Variants in GPSM1 observed in about 807,000 individuals in gnomAD.
GPSM1 encodes G protein-signaling modulator 1.
GPSM1 carries 48 observed loss-of-function variants against 70.5 expected under a neutral mutation model. The ratio of observed to expected loss-of-function variants is 0.68; its 90% CI spans 0.54 to 0.87. GPSM1 has a LOEUF of 0.87. Ranked by LOEUF, GPSM1 falls within the 40% of genes least tolerant of loss-of-function variation. The pLI, the probability that GPSM1 is intolerant of heterozygous loss-of-function variation, is 0.00. For missense variants in GPSM1, 981 were observed against 972.6 expected (o/e 1.01, Z -0.11); for synonymous variants, 416 against 430.1 (o/e 0.97, Z 0.41).
At position 136,341,888 on chromosome 9, in the gene GPSM1, C is replaced by T. The variant is rs1199199692; in HGVS notation, c.1207+895C>T. 1.4e-5 allele frequency: 8 copies of T among 585,714 alleles called. No individual in the cohort carries two copies. The highest frequency in any genetic ancestry group is 6.1e-5 in the African/African-American group (3 of 49,480). 36.3% of individuals were successfully genotyped at this position (585,714 alleles called of 1,614,324 possible). A position where few individuals can be genotyped will look rare whatever the true frequency, so the allele number is the denominator to read the frequency against. On this transcript the variant is annotated intron_variant, in intron 9 of 13. Coordinates refer to ENST00000440944, the MANE Select transcript of GPSM1 (RefSeq NM_001145638.3). The surrounding 1 kb of genome is among the most constrained non-coding windows in gnomAD (Gnocchi z 6.7). ...CCAGTGTCAAACTCCCAGCCTCAAG[C>T]GATCCTCCCATCTCGGCTTCCAGAA... is the stretch of plus-strand genomic sequence containing the variant.
At chr9:136,333,304 A>G (rs1554768738) in intron 1 of GPSM1, among the ~76,000 whole-genome samples, 1 of 152,104 alleles carries the variant, frequency 6.6e-6, no homozygotes, top group African/African-American at 2.4e-5. Flanking sequence ...GCGACCCTCC[A>G]CCCAGGGCAG....
intron 9 of GPSM1, among the ~76,000 whole-genome samples, chr9:136,347,696 T>C (rs1832556361): frequency 6.6e-6 from 1 of 151,564 alleles, no homozygotes; most frequent in African/African-American, 2.4e-5. Context: ...TCCTGCCTGG[T>C]TGAGGACATT....
chr9:136,334,404 A>T (rs782667441), intron 1 of GPSM1, 43 bp from the exon 2 acceptor site: 5 of 1,521,792 alleles, frequency 3.3e-6, no homozygotes, highest in African/African-American at 2.7e-5. Flanking sequence ...CCCCGGGGCG[A>T]CTTTGCCAGG....
intron 10 of GPSM1, among the ~76,000 whole-genome samples, chr9:136,349,236 G>A (rs917164058): frequency 6.6e-6 from 1 of 152,268 alleles, no homozygotes; most frequent in Non-Finnish European, 1.5e-5. Context: ...GCCTGGGCCA[G>A]CAGCCTGATC....
rs923069596 is a variant in GPSM1, at chr9:136,349,857, C to T, written c.1455+94C>T. On this transcript the variant is annotated intron_variant, in intron 11 of 13. Transcript: ENST00000440944. ...TGCCAGCCAACGGGGCCAGGTCAGG[C>T]CCGGGCACTCCGGGGAGGCAGGGGT... 5.6e-6 allele frequency: 7 copies of T among 1,248,008 alleles called. No individual in the cohort carries two copies. The African/African-American group carries it at 1.1e-4, about 19-fold the overall frequency. The allele number at this position is 1,248,008 out of a possible 1,614,324, so 77.3% of individuals were successfully genotyped here. A position where few individuals can be genotyped will look rare whatever the true frequency, so the allele number is the denominator to read the frequency against.
rs560601278 is a variant in GPSM1, at chr9:136,330,152, G to T, written c.68+2389G>T. Among the ~76,000 whole-genome samples the T allele has an allele frequency of 7.9e-5, 12 of 152,240 alleles. No homozygotes were observed. In the South Asian group the frequency reaches 2.5e-3, roughly 32 times the overall value. On this transcript the variant is annotated intron_variant, in intron 1 of 13. Transcript: ENST00000440944. ...GGCCCCGGAAAGTGGGGAAACCCTG[G>T]GTGGTCGTCTCCTGGCCTCCCACCT...
chr9:136,353,141 C>T, intron 11 of GPSM1: 1 of 983,330 alleles, frequency 1.0e-6, no homozygotes, highest in Non-Finnish European at 1.2e-6. Context: ...GCTGTGGAGA[C>T]AGCCTGTGAT....
In GPSM1 at chr9:136,349,677, G is replaced by A; in HGVS notation, c.1369G>A (p.Glu457Lys). The A allele has an allele frequency of 6.4e-7, 1 of 1,555,546 alleles. No individual in the cohort carries two copies. Reference protein sequence around the residue: ...PLPVRSRKYQEGPDAERRPRE... With the variant: ...PLPVRSRKYQKGPDAERRPRE... ...CCCCGTGAGGAGCAGGAAGTACCAG[G>A]AAGGCCCGGACGCTGAGAGGAGGCC... is the stretch of plus-strand genomic sequence containing the variant. The change falls in exon 11 of 14, where the codon GAA becomes AAA. Residue 457 changes from glutamate to lysine, a missense_variant. Physicochemically the swap from Glu to Lys is moderately conservative, Grantham distance 56 (BLOSUM62 1). Coordinates refer to ENST00000440944, the MANE Select transcript of GPSM1 (RefSeq NM_001145638.3).
intron 13 of GPSM1, among the ~76,000 whole-genome samples, chr9:136,357,062 C>T (rs1002714495): frequency 4.6e-5 from 7 of 152,186 alleles, no homozygotes; most frequent in Admixed American, 2.0e-4. Flanking sequence ...GAGCCAGGGC[C>T]GGGGCTCCAG....
At chr9:136,336,821 G>A (rs782097877) in intron 3 of GPSM1, 100 bp from the exon 4 acceptor site, 352 of 1,209,282 alleles carry the variant, frequency 2.9e-4, no homozygotes, top group Non-Finnish European at 3.9e-4. Context: ...CAAGGCCCTC[G>A]CTGTCGAGGG....
At position 136,327,683 on chromosome 9, in the gene GPSM1, G is replaced by T; in HGVS notation, c.-13G>T. The T allele has an allele frequency of 9.2e-7, 1 of 1,086,088 alleles. No individual in the cohort carries two copies. The allele number at this position is 1,086,088 out of a possible 1,614,324, so 67.3% of individuals were successfully genotyped here. On this transcript the variant is annotated 5_prime_UTR_variant, in exon 1 of 14. Coordinates refer to ENST00000440944, the MANE Select transcript of GPSM1 (RefSeq NM_001145638.3). ...GGGGGCGCTCCCGGCTCCCGCTCCC[G>T]CGTCCCCGACCCATGGCGGGCCCGG...
Position 136,337,001 on chromosome 9 carries a change from C to T in GPSM1, c.507C>T (p.Asn169=), listed in dbSNP as rs72775742. Residue 169 remains asparagine (N), a synonymous_variant, in exon 4 of 14, where the codon AAC becomes AAT. Transcript: ENST00000440944. Reference sequence around the variant, plus strand: ...AGCAACTGTCCTGGAACGCCGCAAACGCCACGCAGGACCCCGGGCACCTGC... The same window carrying T: ...AGCAACTGTCCTGGAACGCCGCAAATGCCACGCAGGACCCCGGGCACCTGC... ...KGKQLSWNAA[N]ATQDPGHLPP... The T allele has an allele frequency of 1.3e-3, 1,979 of 1,553,408 alleles. 1 individual carries two copies. Among genetic ancestry groups the T allele is most frequent in the Non-Finnish European group, 1.5e-3 (1,737 of 1,148,732 alleles).
intron 1 of GPSM1, among the ~76,000 whole-genome samples, chr9:136,331,067 C>G (rs79088884): frequency 0.023 from 3,448 of 152,234 alleles, 143 homozygotes; most frequent in African/African-American, 0.077. Context: ...TAAGACCTGC[C>G]CCCCCAGTCC....
chr9:136,355,588 C>T, intron 11 of GPSM1, 102 bp from the exon 12 acceptor site: 1 of 1,129,372 alleles, frequency 8.9e-7, no homozygotes, highest in African/African-American at 1.5e-5. Context: ...CCGATCTTGG[C>T]CAGGGTCTCA....
At chr9:136,330,423 G>A (rs561612681) in intron 1 of GPSM1, among the ~76,000 whole-genome samples, 34 of 152,228 alleles carry the variant, frequency 2.2e-4, no homozygotes, top group Admixed American at 1.4e-3. Flanking sequence ...CTGGTGGGTC[G>A]CTGGGCAGCG....
At chr9:136,354,179 G>A (rs1200259582) in intron 11 of GPSM1, among the ~76,000 whole-genome samples, 1 of 152,206 alleles carries the variant, frequency 6.6e-6, no homozygotes, top group African/African-American at 2.4e-5. Flanking sequence ...TCCTAAAACA[G>A]GGCTGTCCAC....
intron 11 of GPSM1, chr9:136,353,152 C>A: frequency 2.0e-6 from 2 of 978,414 alleles, no homozygotes; most frequent in East Asian, 2.3e-4. Context: ...AGCCTGTGAT[C>A]CGCGTGAGTC....
At chr9:136,353,336 G>C (rs535599302) in intron 11 of GPSM1, among the ~76,000 whole-genome samples, 2 of 152,308 alleles carry the variant, frequency 1.3e-5, no homozygotes, top group East Asian at 1.9e-4. Flanking sequence ...AGGCCTCCGG[G>C]AAGGAGGGAG....
intron 9 of GPSM1, among the ~76,000 whole-genome samples, chr9:136,345,559 A>G (rs1479997637): frequency 2.0e-5 from 3 of 152,206 alleles, no homozygotes; most frequent in African/African-American, 7.2e-5. Context: ...GGGCCCATCC[A>G]TGCGGTGTCC....
Sources: gnomAD v4.1 joint callset for allele counts (sites outside exome capture counted in the v4.1 genomes callset) on GRCh38, gnomAD v4.1.1 for gene constraint, Gnocchi (gnomAD v3.1) non-coding constraint, MANE v1.5 for transcripts, NCBI Gene and HGNC (gene_info 2026-07-23, HGNC 2026-07-21) for gene names.